The following OTOG variants were observed in gnomAD, a reference collection of about 807,000 sequenced individuals.
OTOG encodes the protein otogelin.
A neutral mutation model predicts 313.8 loss-of-function variants in OTOG; 296 were observed. That is an observed-to-expected ratio of 0.94 (90% CI 0.86 to 1.04). The LOEUF (loss-of-function observed/expected upper bound fraction) is 1.04. Ranked by LOEUF, OTOG falls within the 50% of genes least tolerant of loss-of-function variation. The pLI, the probability that OTOG is intolerant of heterozygous loss-of-function variation, is 0.00. For missense variants in OTOG, 3,948 were observed against 3,840.1 expected, an observed-to-expected ratio of 1.03 and a Z score of -0.74; for synonymous variants, 1,533 against 1,554.9, an observed-to-expected ratio of 0.99 and a Z score of 0.33.
chr11:17,628,380 T>A (rs1424922238), intron 39 of OTOG, among the ~76,000 whole-genome samples: 1 of 152,228 alleles, frequency 6.6e-6, no homozygotes, highest in Non-Finnish European at 1.5e-5. Flanking sequence ...TAATTCATTA[T>A]AAATACTTTA....
At chr11:17,589,041 C>T (rs187219358) in intron 24 of OTOG, among the ~76,000 whole-genome samples, 1 of 152,256 alleles carries the variant, frequency 6.6e-6, no homozygotes, top group Admixed American at 6.5e-5. Context: ...TGAGTTTAGC[C>T]CCACTTCTGT....
chr11:17,558,378 A>C, intron 9 of OTOG, 63 bp downstream of exon 9: 1 of 1,539,040 alleles, frequency 6.5e-7, no homozygotes, highest in Non-Finnish European at 8.8e-7. Flanking sequence ...ACTCTTCGAA[A>C]GCCACTGGCT....
chr11:17,553,180 C>T lies in OTOG; in HGVS notation c.354C>T (p.Arg118=). 1 of 1,550,574 alleles carries T rather than the reference C, an allele frequency of 6.4e-7. No individual in the cohort carries two copies. The highest frequency in any genetic ancestry group is 1.2e-5 in the South Asian group (1 of 84,060). Residue 118 remains arginine (R), a synonymous_variant, in exon 5 of 56, where the codon CGC becomes CGT. Coordinates refer to ENST00000399397, the MANE Select transcript of OTOG (RefSeq NM_001292063.2). ...ACCCAGCCTTCTGTGACTGCAGACG[C>T]TTCAATGCCACTGGACCGCGCTGCC... is the stretch of plus-strand genomic sequence containing the variant. The part of the protein sequence containing the change: ...CVHPAFCDCR[R]FNATGPRCQM...
intron 15 of OTOG, among the ~76,000 whole-genome samples, chr11:17,564,580 G>C (rs958550379): frequency 6.6e-6 from 1 of 152,232 alleles, no homozygotes; most frequent in African/African-American, 2.4e-5. Context: ...GAAGCGGGGA[G>C]TGTGTGGGAG....
intron 31 of OTOG, among the ~76,000 whole-genome samples, chr11:17,600,333 G>A (rs919736766): frequency 1.3e-5 from 2 of 152,306 alleles, no homozygotes; most frequent in African/African-American, 2.4e-5. Context: ...TTTTAGCACC[G>A]AACTTCATCC....
intron 53 of OTOG, among the ~76,000 whole-genome samples, chr11:17,643,226 G>A (rs1376216385): frequency 6.6e-6 from 1 of 152,218 alleles, no homozygotes; most frequent in African/African-American, 2.4e-5. Flanking sequence ...AAGATGGGAG[G>A]CCCTGTACCA....
intron 31 of OTOG, 40 bp from the exon 32 acceptor site, chr11:17,602,170 G>C (rs1374916323): frequency 1.3e-6 from 2 of 1,546,224 alleles, no homozygotes; most frequent in East Asian, 4.9e-5. Flanking sequence ...AGGTGGGCAG[G>C]CCATGGGGCC....
At chr11:17,644,433 A>G (rs1848033193) in intron 54 of OTOG, among the ~76,000 whole-genome samples, 1 of 152,244 alleles carries the variant, frequency 6.6e-6, no homozygotes, top group Non-Finnish European at 1.5e-5. Flanking sequence ...TTCTAAAGGG[A>G]TTCCTGGGGT....
Position 17,645,971 on chromosome 11 carries a change from C to T in OTOG, c.*27C>T, listed in dbSNP as rs544852787. 14 of 1,540,162 alleles carry T rather than the reference C, an allele frequency of 9.1e-6. No individual in the cohort carries two copies. The South Asian group carries it at 1.5e-4, about 17-fold the overall frequency. Reference sequence around the variant, plus strand: ...GCCTGGGGGCCCGGGCTAGCTGGACCACCTCTGCCAGCCCCACTTTCTGTT... The same window carrying T: ...GCCTGGGGGCCCGGGCTAGCTGGACTACCTCTGCCAGCCCCACTTTCTGTT... On this transcript the variant is annotated 3_prime_UTR_variant, in exon 56 of 56. Transcript: ENST00000399397.
Position 17,606,066 on chromosome 11 carries a change from G to C in OTOG, c.4087G>C (p.Ala1363Pro), listed in dbSNP as rs7934079. Residue 1363 changes from alanine to proline, a missense_variant, in exon 33 of 56, where the codon GCG (alanine) becomes CCG (proline). Ala to Pro is a conservative substitution (Grantham distance 27). Transcript: ENST00000399397. ...CAGCTCCTTCCTCTATGTGTCGGGC[G>C]CGGTGCTGGCCCTGCGGCTGTACGA... Reference protein sequence around the residue: ...KPSSFLYVSGAVLALRLYEHT... With the variant: ...KPSSFLYVSGPVLALRLYEHT... 0.73 allele frequency: 1,126,757 copies of C among 1,550,206 alleles called. 412,865 individuals carry two copies. The highest frequency in any genetic ancestry group is 0.95 in the African/African-American group (69,654 of 73,166).
At chr11:17,643,582 A>G in intron 54 of OTOG, 76 bp downstream of exon 54, 1 of 1,142,316 alleles carries the variant, frequency 8.8e-7, no homozygotes, top group Admixed American at 3.7e-5. Context: ...GGGACAGAGG[A>G]CCAGGTTCCT....
Position 17,578,523 on chromosome 11 carries a change from AG to A in OTOG, c.2759+1del. 1 of 1,533,468 alleles carries A rather than the reference AG, an allele frequency of 6.5e-7. No individual in the cohort carries two copies. Among genetic ancestry groups the A allele is most frequent in the Non-Finnish European group, 8.7e-7 (1 of 1,144,792 alleles). The allele number at this position is 1,533,468 out of a possible 1,614,324, so 95.0% of individuals were successfully genotyped here. ...TGCCTCTCGGGCTGCGCCTGTCCCC[AG>A]GGGTAAGTACCCATGGTGTCGTGGG... ...GPCLSGCACP[Q>X]GLLRHGDACF... is the part of the protein sequence containing the mutation. On this transcript the variant is annotated frameshift_variant and splice_region_variant, in exon 23 of 56. Transcript: ENST00000399397. LOFTEE classifies it high-confidence loss of function.
chr11:17,561,581 T>C, intron 14 of OTOG, 81 bp from the exon 15 acceptor site: 2 of 1,424,588 alleles, frequency 1.4e-6, no homozygotes, highest in Non-Finnish European at 9.7e-7. Context: ...GGGTGCTGTG[T>C]CCTCCTCATA....
Position 17,645,971 on chromosome 11 carries a change from C to G in OTOG, c.*27C>G. On this transcript the variant is annotated 3_prime_UTR_variant, in exon 56 of 56. Coordinates refer to ENST00000399397, the MANE Select transcript of OTOG (RefSeq NM_001292063.2). The stretch of plus-strand genomic sequence containing the variant: ...GCCTGGGGGCCCGGGCTAGCTGGAC[C>G]ACCTCTGCCAGCCCCACTTTCTGTT... The G allele has an allele frequency of 1.3e-6, 2 of 1,540,162 alleles. No homozygotes were observed. Among genetic ancestry groups the G allele is most frequent in the South Asian group, 1.2e-5 (1 of 83,956 alleles).
intron 22 of OTOG, among the ~76,000 whole-genome samples, chr11:17,577,378 G>A (rs1222726195): frequency 3.8e-5 from 5 of 131,738 alleles, no homozygotes; most frequent in South Asian, 2.4e-4. Flanking sequence ...AACAGTGGTC[G>A]TGGGATGGGG....
intron 48 of OTOG, chr11:17,638,959 A>G: frequency 7.1e-6 from 3 of 423,560 alleles, no homozygotes; most frequent in Non-Finnish European, 1.3e-5. Context: ...TCAGCCGGGC[A>G]CGGTGATAGG....
intron 31 of OTOG, among the ~76,000 whole-genome samples, chr11:17,600,008 G>A (rs970158281): frequency 6.6e-6 from 1 of 152,214 alleles, no homozygotes; most frequent in Non-Finnish European, 1.5e-5. Context: ...CAGCTCCTCC[G>A]CCTTCATAAT....
At chr11:17,572,325 G>A (rs2134025944) in intron 18 of OTOG, 121 bp downstream of exon 18, 1 of 1,365,368 alleles carries the variant, frequency 7.3e-7, no homozygotes, top group South Asian at 1.4e-5. Context: ...AGTGATAAGA[G>A]AAGGAGGAGC....
chr11:17,634,265 C>T lies in OTOG; in HGVS notation c.7464C>T (p.Cys2488=), dbSNP rs774023506. The T allele has an allele frequency of 8.5e-5, 132 of 1,550,306 alleles. No homozygotes were observed. The highest frequency in any genetic ancestry group is 3.3e-4 in the Middle Eastern group (2 of 6,008). The change falls in exon 44 of 56, where the codon TGC becomes TGT. Residue 2488 remains cysteine (C), a synonymous_variant. Coordinates refer to ENST00000399397, the MANE Select transcript of OTOG (RefSeq NM_001292063.2). ...TCCTACCCACCAAGGACCCCTGCTGCCTGGGGACTGTCTGTGGTGAGTGTC... is the reference window on the plus strand; with the variant it reads ...TCCTACCCACCAAGGACCCCTGCTGTCTGGGGACTGTCTGTGGTGAGTGTC... ...ALLLPTKDPC[C]LGTVCVCNQT...
Sources: gnomAD v4.1 joint callset for allele counts (sites outside exome capture counted in the v4.1 genomes callset) on GRCh38, gnomAD v4.1.1 for gene constraint, MANE v1.5 for transcripts, NCBI Gene and HGNC (gene_info 2026-07-23, HGNC 2026-07-21) for gene names.